The following NUDT1 variants were observed in gnomAD, a reference collection of about 807,000 sequenced individuals.
NUDT1 encodes the protein nudix hydrolase 1, also known as oxidized purine nucleoside triphosphate hydrolase.
In NUDT1, 16 loss-of-function variants were observed where a neutral mutation model predicts 11.3. That is an observed-to-expected ratio of 1.41 (90% CI 0.96 to 2.15). The LOEUF is 2.15. Ranked by LOEUF, NUDT1 falls within the 30% of genes most tolerant of loss-of-function variation. The pLI, the probability that NUDT1 is intolerant of heterozygous loss-of-function variation, is 0.00. For synonymous variants in NUDT1, 101 were observed against 84.4 expected (o/e 1.20, Z -1.08); for missense variants, 234 against 208.4 (o/e 1.12, Z -0.76).
chr7:2,242,464 C>T, intron 1 of NUDT1: 1 of 461,992 alleles, frequency 2.2e-6, no homozygotes, highest in Non-Finnish European at 3.8e-6. Flanking sequence ...ACAAGGAGAG[C>T]GGGGCGGAGG....
chr7:2,242,281 C>G, intron 1 of NUDT1, 25 bp downstream of exon 1: 1 of 1,108,418 alleles, frequency 9.0e-7, no homozygotes, highest in South Asian at 1.6e-5. Flanking sequence ...CGCGGGGATT[C>G]CAGGAGTCGT....
intron 3 of NUDT1, 28 bp from the exon 4 acceptor site, chr7:2,250,801 A>T: frequency 6.2e-7 from 1 of 1,613,900 alleles, no homozygotes; most frequent in South Asian, 1.1e-5. Flanking sequence ...GTTGCACCTC[A>T]GTGCCTCCTC....
At chr7:2,244,997 G>A (rs980197571) in intron 2 of NUDT1, among the ~76,000 whole-genome samples, 1 of 152,214 alleles carries the variant, frequency 6.6e-6, no homozygotes, top group African/African-American at 2.4e-5. Flanking sequence ...TTGTGGTGCG[G>A]TGGTGCTGGG....
chr7:2,248,960 G>A (rs1302534298), intron 2 of NUDT1, among the ~76,000 whole-genome samples: 1 of 152,224 alleles, frequency 6.6e-6, no homozygotes, highest in Non-Finnish European at 1.5e-5. Flanking sequence ...ACACTGAAAT[G>A]GTAGCATTCC....
chr7:2,248,364 C>G (rs975366955), intron 2 of NUDT1, among the ~76,000 whole-genome samples: 1 of 152,136 alleles, frequency 6.6e-6, no homozygotes, highest in South Asian at 2.1e-4. Context: ...ACGCTCAGAA[C>G]GGGAGGTCAG....
chr7:2,250,510 G>C (rs12699804), intron 3 of NUDT1, among the ~76,000 whole-genome samples: 1 of 151,608 alleles, frequency 6.6e-6, no homozygotes, highest in East Asian at 1.9e-4. Flanking sequence ...CAGGCTGGAG[G>C]GCAATGGCGC....
chr7:2,246,823 G>C (rs2115058636), intron 2 of NUDT1, among the ~76,000 whole-genome samples: 1 of 152,246 alleles, frequency 6.6e-6, no homozygotes, highest in Non-Finnish European at 1.5e-5. Flanking sequence ...CACCATGTTG[G>C]CCAGGCTGGT....
rs373840176 is a variant in NUDT1, at chr7:2,246,678, G to A, written c.152+1952G>A. Among the ~76,000 whole-genome samples, 16 of 152,304 alleles carry A rather than the reference G, an allele frequency of 1.1e-4. No homozygotes were observed. The East Asian group carries it at 2.9e-3, about 28-fold the overall frequency. On this transcript the variant is annotated intron_variant, in intron 2 of 3. Transcript: ENST00000356714. Reference sequence around the variant, plus strand: ...TCTGTAAATATTACACAAACAGAGGGACCATCACTCCAGACCCTCAAAGCT... The same window carrying A: ...TCTGTAAATATTACACAAACAGAGGAACCATCACTCCAGACCCTCAAAGCT...
intron 1 of NUDT1, among the ~76,000 whole-genome samples, chr7:2,243,705 G>A (rs1411407493): frequency 6.6e-6 from 1 of 152,232 alleles, no homozygotes; most frequent in Non-Finnish European, 1.5e-5. Flanking sequence ...CCAGGGAGGC[G>A]GAGGTTACAG....
intron 2 of NUDT1, among the ~76,000 whole-genome samples, chr7:2,246,994 G>T (rs1341664695): frequency 6.6e-6 from 1 of 150,874 alleles, no homozygotes; most frequent in Non-Finnish European, 1.5e-5. Flanking sequence ...GGGGGACACT[G>T]GAGCCAGACA....
intron 1 of NUDT1, 111 bp from the exon 2 acceptor site, chr7:2,244,452 A>AGCCCCCCCCC: frequency 5.4e-6 from 3 of 553,138 alleles, no homozygotes; most frequent in Non-Finnish European, 9.6e-6. Flanking sequence ...GTTACAGCAT[A>AGCCCCCCCCC]CCCCCCCGCC....
chr7:2,246,491 T>C lies in NUDT1; in HGVS notation c.152+1765T>C, dbSNP rs578260384. Among the ~76,000 whole-genome samples, 23 of 152,078 alleles carry C rather than the reference T, an allele frequency of 1.5e-4. No individual in the cohort carries two copies. The South Asian group carries it at 4.8e-3, about 32-fold the overall frequency. Reference sequence around the variant, plus strand: ...TGTGCAGAGAAGTGGTGGGTGTGAGTGGAGCAGGCAGCGGTGCTGAGGAGG... The same window carrying C: ...TGTGCAGAGAAGTGGTGGGTGTGAGCGGAGCAGGCAGCGGTGCTGAGGAGG... On this transcript the variant is annotated intron_variant, in intron 2 of 3. Transcript: ENST00000356714.
At chr7:2,242,946 G>A (rs764448306) in intron 1 of NUDT1, 1 of 714,124 alleles carries the variant, frequency 1.4e-6, no homozygotes, top group East Asian at 2.7e-5. Flanking sequence ...TGATGTACTG[G>A]AGCAATCAGA....
intron 1 of NUDT1, chr7:2,243,103 C>T: frequency 2.9e-6 from 2 of 683,982 alleles, no homozygotes; most frequent in South Asian, 1.6e-5. Flanking sequence ...CTCTGACCGC[C>T]CCTGCCAAAC....
intron 2 of NUDT1, among the ~76,000 whole-genome samples, chr7:2,248,824 G>A (rs562943625): frequency 6.6e-6 from 1 of 152,208 alleles, no homozygotes; most frequent in Admixed American, 6.5e-5. Context: ...CAAAAATGCT[G>A]GGATTACAGG....
intron 2 of NUDT1, among the ~76,000 whole-genome samples, chr7:2,245,449 A>C (rs539160865): frequency 6.6e-6 from 1 of 152,320 alleles, no homozygotes; most frequent in South Asian, 2.1e-4. Context: ...CAATTTTTTC[A>C]TCACAACCTG....
intron 1 of NUDT1, chr7:2,242,555 A>G (rs1217833501): frequency 1.1e-5 from 4 of 360,794 alleles, no homozygotes; most frequent in African/African-American, 6.4e-5. Context: ...GTGTCGGGAC[A>G]AAGTACACGG....
In NUDT1 at chr7:2,251,023, G is replaced by A; in HGVS notation, c.*22G>A. ...CTAGCGGGAGCCCAGGGCAGCCCCT[G>A]GGCAGGAGACGTGGCTGCTGAACAG... On this transcript the variant is annotated 3_prime_UTR_variant, in exon 4 of 4. Coordinates refer to ENST00000356714, the MANE Select transcript of NUDT1 (RefSeq NM_002452.4). The A allele has an allele frequency of 3.7e-6, 6 of 1,613,046 alleles. No individual in the cohort carries two copies. The highest frequency in any genetic ancestry group is 1.7e-4 in the Middle Eastern group (1 of 6,014).
chr7:2,242,940 G>C (rs1048304308), intron 1 of NUDT1: 2 of 713,396 alleles, frequency 2.8e-6, no homozygotes, highest in African/African-American at 3.5e-5. Flanking sequence ...TTGCCTTGAT[G>C]TACTGGAGCA....
Sources: allele counts gnomAD v4.1 joint callset (sites outside exome capture counted in the v4.1 genomes callset), GRCh38; gene constraint gnomAD v4.1.1; transcripts MANE v1.5; gene names NCBI Gene and HGNC (gene_info 2026-07-23, HGNC 2026-07-21).